The following TMEM94 variants were observed in gnomAD, a reference collection of about 807,000 sequenced individuals.
TMEM94 encodes the protein transmembrane protein 94.
TMEM94 carries 81 observed loss-of-function variants against 158.6 expected under a neutral mutation model. The observed-to-expected ratio is 0.51, with a 90% confidence interval of 0.43 to 0.61. The LOEUF is 0.61. TMEM94 is among the 20% of genes least tolerant of loss of function. TMEM94 has a pLI of 0.00. For missense variants in TMEM94, 1,435 were observed against 1,762.0 expected (o/e 0.81, Z 3.32); for synonymous variants, 751 against 730.7 (o/e 1.03, Z -0.45).
At chr17:75,474,605 C>T (rs1476837020) in intron 2 of TMEM94, among the ~76,000 whole-genome samples, 1 of 152,154 alleles carries the variant, frequency 6.6e-6, no homozygotes, top group Non-Finnish European at 1.5e-5. Context: ...TGAGGTCACA[C>T]CACTGCACTC....
intron 2 of TMEM94, among the ~76,000 whole-genome samples, chr17:75,481,841 G>T (rs1320801495): frequency 1.3e-5 from 2 of 152,232 alleles, no homozygotes; most frequent in Non-Finnish European, 2.9e-5. Context: ...AAGCTCACAT[G>T]GATGCTTCGC....
intron 26 of TMEM94, 146 bp downstream of exon 26, chr17:75,497,344 CTTTTTTTTTTTT>C (rs67776731): frequency 1.9e-4 from 25 of 130,360 alleles, no homozygotes; most frequent in African/African-American, 1.5e-3. Flanking sequence ...CCCCCTTTGT[CTTTTTTTTTTTT>C]TTTTTTTTTT....
rs752679260 is a variant in TMEM94 at position 75,491,937 on chromosome 17, C to T, written c.1596+37C>T. On this transcript the variant is annotated intron_variant, in intron 14 of 31. Transcript: ENST00000314256. This position sits in a 1 kb window ranked among gnomAD's most constrained non-coding sequence, Gnocchi z 5.1. ...GGGTGGCACGGGGCAGCCACACCCTCGGCCACAGGCTGTCCTGGCCTCCCT... is the reference window on the plus strand; with the variant it reads ...GGGTGGCACGGGGCAGCCACACCCTTGGCCACAGGCTGTCCTGGCCTCCCT... 3.1e-5 allele frequency: 48 copies of T among 1,571,702 alleles called. No individual in the cohort carries two copies. Among genetic ancestry groups the T allele is most frequent in the East Asian group, 4.7e-5 (2 of 42,468 alleles).
At position 75,489,327 on chromosome 17, in the gene TMEM94, G is replaced by C; in HGVS notation, c.826G>C (p.Val276Leu). 1.2e-6 allele frequency: 2 copies of C among 1,614,258 alleles called. No homozygotes were observed. The highest frequency in any genetic ancestry group is 1.7e-6 in the Non-Finnish European group (2 of 1,180,052). The change falls in exon 8 of 32, where the codon GTG (valine) becomes CTG (leucine). Residue 276 changes from valine (V) to leucine (L), a missense_variant. Physicochemically the swap from Val to Leu is conservative, Grantham distance 32. Coordinates refer to ENST00000314256, the MANE Select transcript of TMEM94 (RefSeq NM_014738.6). This position sits in a 1 kb window ranked among gnomAD's most constrained non-coding sequence, Gnocchi z 5.0. ...TGCCCTGGACAATGAGCGGTTCACA[G>C]TGCAGTCGGTGATGCTACACTATGC... is the stretch of plus-strand genomic sequence containing the variant. ...VTALDNERFT[V>L]QSVMLHYAVP...
rs374104242 is a variant in TMEM94, at chr17:75,495,003, C to G, written c.2697C>G (p.His899Gln). 10 of 1,613,124 alleles carry G rather than the reference C, an allele frequency of 6.2e-6. No homozygotes were observed. The highest frequency in any genetic ancestry group is 1.7e-6 in the Non-Finnish European group (2 of 1,179,994). The change falls in exon 20 of 32, where the codon CAC becomes CAG. Residue 899 changes from histidine to glutamine, a missense_variant. His to Gln is a conservative substitution (Grantham distance 24, BLOSUM62 0). Around this residue, in one of 3 missense-constraint regions of TMEM94, gnomAD observed 1,051 missense variants for 1,254.4 expected, o/e 0.84. Transcript: ENST00000314256. This position sits in a 1 kb window ranked among gnomAD's most constrained non-coding sequence, Gnocchi z 5.6. ...AGATCCCCCCCTCCAGCCCCAGCCA[C>G]GCAGGCTCCCTGCATGATGACCTGA... ...GSEIPPSSPSHAGSLHDDLNQ... is the reference protein window; with the variant it reads ...GSEIPPSSPSQAGSLHDDLNQ...
rs1300499959 is a variant in TMEM94 at position 75,486,273 on chromosome 17, C to G, written c.273-17C>G. The G allele has an allele frequency of 6.2e-7, 1 of 1,613,702 alleles. No individual in the cohort carries two copies. ...CCCTCACTCCCTGTGGGTGCGGCCT[C>G]TCTTTCCTCCCACCAGCCGTGGGGT... On this transcript the variant is annotated splice_polypyrimidine_tract_variant and intron_variant, in intron 4 of 31. Coordinates refer to ENST00000314256, the MANE Select transcript of TMEM94 (RefSeq NM_014738.6).
At chr17:75,490,969 T>C (rs2052121152) in intron 11 of TMEM94, 80 bp from the exon 12 acceptor site, 3 of 1,232,486 alleles carry the variant, frequency 2.4e-6, no homozygotes, top group Non-Finnish European at 3.5e-6. Context: ...GGTGCTCCCC[T>C]GGATTTTCCC....
intron 1 of TMEM94, among the ~76,000 whole-genome samples, chr17:75,461,734 T>A (rs1162350222): frequency 2.0e-5 from 3 of 151,316 alleles, no homozygotes; most frequent in Non-Finnish European, 4.4e-5. Context: ...CCATCCTGGC[T>A]AACATGGTGA....
Position 75,492,299 on chromosome 17 carries a change from G to A in TMEM94, c.1597-175G>A, listed in dbSNP as rs1223281560. On this transcript the variant is annotated intron_variant, in intron 14 of 31. Coordinates refer to ENST00000314256, the MANE Select transcript of TMEM94 (RefSeq NM_014738.6). The surrounding 1 kb of genome is among the most constrained non-coding windows in gnomAD (Gnocchi z 4.4). ...TAGAAGCAGACAGGAGCCCAAGAAG[G>A]ACAGGAAGCGGATTTCAGGAGGGAG... 2 of 1,428,558 alleles carry A rather than the reference G, an allele frequency of 1.4e-6. No homozygotes were observed. The highest frequency in any genetic ancestry group is 2.9e-5 in the African/African-American group (2 of 69,520). 88.5% of individuals were successfully genotyped at this position (1,428,558 alleles called of 1,614,324 possible). A position where few individuals can be genotyped will look rare whatever the true frequency, so the allele number is the denominator to read the frequency against.
intron 1 of TMEM94, among the ~76,000 whole-genome samples, chr17:75,466,523 T>C (rs529164302): frequency 6.6e-6 from 1 of 152,154 alleles, no homozygotes; most frequent in African/African-American, 2.4e-5. Flanking sequence ...TTCATTAACA[T>C]TGTATTGAGA....
In TMEM94 at chr17:75,493,898, A is replaced by G. The variant is rs760708279; in HGVS notation, c.2389A>G (p.Ser797Gly). The part of the protein sequence containing the change: ...TIPIKQNARR[S>G]SWSSDEGIGE... The stretch of plus-strand genomic sequence containing the variant: ...CCCCATCAAGCAGAACGCCCGCCGC[A>G]GCAGCTGGAGCTCTGACGGTACCTC... Residue 797 changes from serine (S) to glycine (G), a missense_variant, in exon 18 of 32, where the codon AGC becomes GGC. Ser to Gly is a moderately conservative substitution (Grantham distance 56). Transcript: ENST00000314256. 3.7e-6 allele frequency: 6 copies of G among 1,612,034 alleles called. No homozygotes were observed. In the South Asian group the frequency reaches 6.6e-5, roughly 18 times the overall value.
At chr17:75,499,220 A>C (rs973042286) in intron 31 of TMEM94, 42 bp from the exon 32 acceptor site, 2 of 1,611,464 alleles carry the variant, frequency 1.2e-6, no homozygotes, top group African/African-American at 2.7e-5. Flanking sequence ...CCCTGGTCTA[A>C]GGATCTTTGC....
intron 1 of TMEM94, among the ~76,000 whole-genome samples, chr17:75,468,530 A>G (rs2050385668): frequency 6.6e-6 from 1 of 152,078 alleles, no homozygotes; most frequent in Non-Finnish European, 1.5e-5. Context: ...CTTGGGGAGG[A>G]GTGGATTTGG....
chr17:75,499,023 C>G lies in TMEM94; in HGVS notation c.3939C>G (p.Gly1313=). The part of the protein sequence containing the change: ...EDVPLLTWLL[G]CLSLVLVVVT... ...TGCCCCTGCTGACATGGCTCCTGGG[C>G]TGCCTGTCCCTGGTCCTTGTGGTGG... is the stretch of plus-strand genomic sequence containing the variant. The change falls in exon 31 of 32, where the codon GGC becomes GGG. Residue 1313 remains glycine, a synonymous_variant. Transcript: ENST00000314256. 6.2e-7 allele frequency: 1 copy of G among 1,603,618 alleles called. No individual in the cohort carries two copies. The highest frequency in any genetic ancestry group is 8.5e-7 in the Non-Finnish European group (1 of 1,176,596).
Position 75,482,530 on chromosome 17 carries a change from ATGTATG to A in TMEM94, c.25-2896_25-2891del, listed in dbSNP as rs1567932949. On this transcript the variant is annotated intron_variant, in intron 2 of 31. Coordinates refer to ENST00000314256, the MANE Select transcript of TMEM94 (RefSeq NM_014738.6). ...TCAATTTAAAAATATATATATATGT[ATGTATG>A]TATGTATGTATGTATGTATGTATGT... is the stretch of plus-strand genomic sequence containing the variant. Among the ~76,000 whole-genome samples, 9 of 84,514 alleles carry A rather than the reference ATGTATG, an allele frequency of 1.1e-4. No homozygotes were observed. In the African/African-American group the frequency reaches 1.1e-3, roughly 11 times the overall value. The allele number at this position is 84,514 out of a possible 152,430, so 55.4% of individuals were successfully genotyped here. A position where few individuals can be genotyped will look rare whatever the true frequency, so the allele number is the denominator to read the frequency against.
chr17:75,478,220 T>C (rs1300239476), intron 2 of TMEM94, among the ~76,000 whole-genome samples: 1 of 139,662 alleles, frequency 7.2e-6, no homozygotes, highest in South Asian at 2.3e-4. Flanking sequence ...GGTTTCACCG[T>C]TTTAGCCGGG....
At chr17:75,477,573 G>A (rs1025874812) in intron 2 of TMEM94, among the ~76,000 whole-genome samples, 1 of 152,150 alleles carries the variant, frequency 6.6e-6, no homozygotes. Flanking sequence ...GTAGTTATCT[G>A]CTGTTGTCAA....
intron 5 of TMEM94, 147 bp downstream of exon 5, chr17:75,486,573 C>A: frequency 1.0e-6 from 1 of 996,400 alleles, no homozygotes; most frequent in Non-Finnish European, 1.5e-6. Flanking sequence ...AGAAGGATGC[C>A]CACTCTCTTT....
In TMEM94 at chr17:75,463,085, C is replaced by CAT. The variant is rs2050153012; in HGVS notation, c.-107+6335_-107+6336insTA. On this transcript the variant is annotated intron_variant, in intron 1 of 31. Coordinates refer to ENST00000314256, the MANE Select transcript of TMEM94 (RefSeq NM_014738.6). ...ATATATATATATATATATATACACA[C>CAT]ACACACACATATATATGTGTGTATA... is the stretch of plus-strand genomic sequence containing the variant. Among the ~76,000 whole-genome samples the CAT allele has an allele frequency of 6.7e-5, 2 of 29,854 alleles. 1 individual carries two copies. The highest frequency in any genetic ancestry group is 9.7e-5 in the Non-Finnish European group (2 of 20,636). The allele number at this position is 29,854 out of a possible 152,430, so 19.6% of individuals were successfully genotyped here. A position where few individuals can be genotyped will look rare whatever the true frequency, so the allele number is the denominator to read the frequency against.
Sources: allele counts gnomAD v4.1 joint callset (sites outside exome capture counted in the v4.1 genomes callset), GRCh38; gene constraint gnomAD v4.1.1; regional missense constraint gnomAD v4.1.1; non-coding constraint Gnocchi (gnomAD v3.1); transcripts MANE v1.5; gene names NCBI Gene and HGNC (gene_info 2026-07-23, HGNC 2026-07-21).